The following RIMS1 variants were observed in gnomAD, a reference collection of about 807,000 sequenced individuals.
The protein encoded by RIMS1 is regulating synaptic membrane exocytosis protein 1.
A neutral mutation model predicts 214.1 loss-of-function variants in RIMS1; 83 were observed. That is an observed-to-expected ratio of 0.39 (90% CI 0.32 to 0.47). RIMS1 has a LOEUF of 0.47. Ranked by LOEUF, RIMS1 falls within the 20% of genes least tolerant of loss-of-function variation. The pLI, the probability that RIMS1 is intolerant of heterozygous loss-of-function variation, is 0.99. For missense variants in RIMS1, 2,050 were observed against 2,161.8 expected (o/e 0.95, Z 1.03); for synonymous variants, 793 against 786.8 (o/e 1.01, Z -0.13).
chr6:72,012,980 C>A lies in RIMS1; in HGVS notation c.245+43917C>A, dbSNP rs1425853454. On this transcript the variant is annotated intron_variant, in intron 2 of 33. Coordinates refer to ENST00000521978, the MANE Select transcript of RIMS1 (RefSeq NM_014989.7). ...CATCACTGCATTTGGAATCAAGACA[C>A]CTGTGTTTAAATTATGCCTGTCTCT... Among the ~76,000 whole-genome samples the A allele has an allele frequency of 3.3e-5, 5 of 152,148 alleles. No homozygotes were observed. The East Asian group carries it at 9.6e-4, about 29-fold the overall frequency.
intron 29 of RIMS1, 37 bp from the exon 30 acceptor site, chr6:72,390,561 A>T (rs1438139080): frequency 6.3e-6 from 10 of 1,579,444 alleles, no homozygotes; most frequent in Non-Finnish European, 7.7e-6. Context: ...AAACTGTCTA[A>T]ATAAAACTTA....
intron 4 of RIMS1, among the ~76,000 whole-genome samples, chr6:72,133,212 C>CT (rs370077502): frequency 3.4e-5 from 5 of 146,826 alleles, no homozygotes; most frequent in Non-Finnish European, 6.0e-5. Context: ...AGCTCTCTCT[C>CT]TTTTTTTTCT....
At chr6:71,994,747 G>A (rs1195176610) in intron 2 of RIMS1, among the ~76,000 whole-genome samples, 3 of 152,164 alleles carry the variant, frequency 2.0e-5, no homozygotes, top group African/African-American at 7.2e-5. Context: ...CTAGTGGAAT[G>A]AAGATTGTAT....
At chr6:72,382,885 A>G (rs565918669) in intron 29 of RIMS1, among the ~76,000 whole-genome samples, 1 of 152,308 alleles carries the variant, frequency 6.6e-6, no homozygotes, top group African/African-American at 2.4e-5. Flanking sequence ...TTAAATAGCA[A>G]TCTACAGTCT....
At chr6:72,204,631 G>T (rs1269486376) in intron 6 of RIMS1, among the ~76,000 whole-genome samples, 2 of 152,212 alleles carry the variant, frequency 1.3e-5, no homozygotes, top group East Asian at 3.9e-4. Context: ...CTTAATGTTT[G>T]CATGTGCTTT....
chr6:72,330,699 A>C (rs991620027), intron 28 of RIMS1, among the ~76,000 whole-genome samples: 1 of 151,752 alleles, frequency 6.6e-6, no homozygotes, highest in Non-Finnish European at 1.5e-5. Context: ...GATAGGAATA[A>C]TTTTTCAAGA....
intron 24 of RIMS1, among the ~76,000 whole-genome samples, chr6:72,286,900 A>C (rs902279604): frequency 6.6e-6 from 1 of 152,238 alleles, no homozygotes; most frequent in Non-Finnish European, 1.5e-5. Context: ...CATGACAGAT[A>C]GCCTTTTAAG....
intron 2 of RIMS1, among the ~76,000 whole-genome samples, chr6:72,018,593 A>G (rs531325770): frequency 6.6e-6 from 1 of 152,310 alleles, no homozygotes; most frequent in South Asian, 2.1e-4. Flanking sequence ...ATTTAAAGCC[A>G]TGGGCTGGGA....
intron 27 of RIMS1, among the ~76,000 whole-genome samples, chr6:72,311,555 T>C (rs894097888): frequency 1.4e-4 from 21 of 152,220 alleles, no homozygotes; most frequent in Non-Finnish European, 1.5e-5. Flanking sequence ...ATGAATTTCC[T>C]TTGAATTCTA....
At chr6:72,075,304 T>C (rs1361737741) in intron 2 of RIMS1, among the ~76,000 whole-genome samples, 5 of 152,054 alleles carry the variant, frequency 3.3e-5, no homozygotes, top group Admixed American at 3.3e-4. Flanking sequence ...GAGAGTGTCT[T>C]ACTAGTTTTT....
intron 6 of RIMS1, chr6:72,213,018 G>A (rs1008355105): frequency 8.7e-6 from 13 of 1,499,718 alleles, no homozygotes; most frequent in African/African-American, 5.6e-5. Flanking sequence ...GAGTGATGAA[G>A]GAGGCGCTTC....
intron 2 of RIMS1, among the ~76,000 whole-genome samples, chr6:71,986,803 T>G (rs976690781): frequency 2.6e-5 from 4 of 152,248 alleles, no homozygotes; most frequent in Admixed American, 6.5e-5. Context: ...ATCAATCAGT[T>G]GGAATGGGCA....
intron 4 of RIMS1, among the ~76,000 whole-genome samples, chr6:72,118,535 G>A (rs2037552496): frequency 6.6e-6 from 1 of 151,260 alleles, no homozygotes; most frequent in South Asian, 2.1e-4. Context: ...AGAAAACTAT[G>A]GACTGATATT....
intron 29 of RIMS1, among the ~76,000 whole-genome samples, chr6:72,339,655 G>A (rs1330395901): frequency 6.6e-6 from 1 of 151,980 alleles, no homozygotes; most frequent in Non-Finnish European, 1.5e-5. Flanking sequence ...TGGTGTATAT[G>A]TGCCACATTT....
chr6:72,222,733 TAGG>T (rs1362200122), intron 6 of RIMS1, among the ~76,000 whole-genome samples: 1 of 152,190 alleles, frequency 6.6e-6, no homozygotes, highest in Non-Finnish European at 1.5e-5. Context: ...TGTTTTTAAT[TAGG>T]AGGGCTATAA....
At chr6:72,281,648 T>G (rs1167694497) in intron 23 of RIMS1, among the ~76,000 whole-genome samples, 4 of 152,070 alleles carry the variant, frequency 2.6e-5, no homozygotes, top group Admixed American at 2.6e-4. Context: ...GACCCCTGCC[T>G]TCTTATTATT....
chr6:72,146,112 TC>T (rs1382116838), intron 4 of RIMS1, among the ~76,000 whole-genome samples: 2 of 152,236 alleles, frequency 1.3e-5, no homozygotes, highest in Non-Finnish European at 2.9e-5. Flanking sequence ...TTTAGTTCAT[TC>T]AGTTAATTCT....
intron 1 of RIMS1, among the ~76,000 whole-genome samples, chr6:71,936,597 C>T (rs1046552788): frequency 2.2e-4 from 34 of 152,270 alleles, no homozygotes; most frequent in African/African-American, 8.2e-4. Flanking sequence ...ATAAAGCTTC[C>T]TCTATGGAAC....
chr6:72,359,868 T>C (rs1302419236), intron 29 of RIMS1, among the ~76,000 whole-genome samples: 1 of 152,144 alleles, frequency 6.6e-6, no homozygotes, highest in Non-Finnish European at 1.5e-5. Context: ...AGAATTATTG[T>C]CCAAAATCAT....
Sources: allele counts gnomAD v4.1 joint callset (sites outside exome capture counted in the v4.1 genomes callset), GRCh38; gene constraint gnomAD v4.1.1; transcripts MANE v1.5; gene names NCBI Gene and HGNC (gene_info 2026-07-23, HGNC 2026-07-21).